Variants in EPHA5 observed in about 807,000 individuals in gnomAD.
EPHA5 encodes the protein EPH receptor A5, also known as ephrin type-A receptor 5.
A neutral mutation model predicts 105.0 loss-of-function variants in EPHA5; 60 were observed. The observed-to-expected ratio is 0.57, with a 90% CI of 0.46 to 0.71. The LOEUF (loss-of-function observed/expected upper bound fraction) is 0.71, where lower values mean the gene tolerates loss of function less well. EPHA5 is among the 30% of genes least tolerant of loss of function. The pLI is 0.00. For missense variants in EPHA5, 1,218 were observed against 1,274.7 expected (o/e 0.96, Z 0.68); for synonymous variants, 513 against 449.1 (o/e 1.14, Z -1.80).
chr4:65,392,713 T>C (rs185453196), intron 8 of EPHA5, among the ~76,000 whole-genome samples: 2 of 152,284 alleles, frequency 1.3e-5, no homozygotes, highest in East Asian at 1.9e-4. Context: ...TAAAGGTGTA[T>C]TTATGGGTTG....
chr4:65,663,672 G>A (rs1749730836), intron 1 of EPHA5, among the ~76,000 whole-genome samples: 1 of 151,700 alleles, frequency 6.6e-6, no homozygotes, highest in African/African-American at 2.4e-5. Flanking sequence ...TAATTGATCA[G>A]AATTACATTT....
intron 10 of EPHA5, 95 bp from the exon 11 acceptor site, chr4:65,365,297 A>T: frequency 1.0e-6 from 1 of 984,156 alleles, no homozygotes; most frequent in Non-Finnish European, 1.5e-6. Context: ...GCTTAGATGA[A>T]AAAACAAACA....
rs748934698 is a variant in EPHA5, at chr4:65,669,681, G to C, written c.62C>G (p.Thr21Ser). Residue 21 changes from threonine (T) to serine (S), a missense_variant, in exon 1 of 17, where the codon ACC (threonine) becomes AGC (serine). Physicochemically the swap from Thr to Ser is moderately conservative, Grantham distance 58. Around this residue, in one of 3 missense-constraint regions of EPHA5, gnomAD observed 233 missense variants for 227.5 expected, o/e 1.02. Coordinates refer to ENST00000613740, the MANE Select transcript of EPHA5 (RefSeq NM_001281766.3). ...RRRPPSGGGD[T>S]PITPASLAGC... ...GGCCAGGGACGCTGGGGTGATGGGGGTGTCGCCGCCGCCGCTTGGGGGCCG... is the reference window on the plus strand; with the variant it reads ...GGCCAGGGACGCTGGGGTGATGGGGCTGTCGCCGCCGCCGCTTGGGGGCCG... 1 of 1,327,708 alleles carries C rather than the reference G, an allele frequency of 7.5e-7. No individual in the cohort carries two copies. Among genetic ancestry groups the C allele is most frequent in the Non-Finnish European group, 9.7e-7 (1 of 1,034,878 alleles). 82.2% of individuals were successfully genotyped at this position (1,327,708 alleles called of 1,614,324 possible).
chr4:65,472,060 A>G (rs918471418), intron 5 of EPHA5, among the ~76,000 whole-genome samples: 2 of 152,202 alleles, frequency 1.3e-5, no homozygotes, highest in African/African-American at 4.8e-5. Context: ...ATCAAAAGCT[A>G]GTTAGTTCCT....
intron 2 of EPHA5, among the ~76,000 whole-genome samples, chr4:65,642,258 T>C (rs1747733424): frequency 6.6e-6 from 1 of 152,062 alleles, no homozygotes. Flanking sequence ...TAGGTTCTCA[T>C]AGACAGATGT....
intron 3 of EPHA5, among the ~76,000 whole-genome samples, chr4:65,516,188 T>A (rs1185745676): frequency 6.6e-6 from 1 of 152,128 alleles, no homozygotes; most frequent in Non-Finnish European, 1.5e-5. Flanking sequence ...CCCCAAAACT[T>A]AACTACTAAC....
intron 12 of EPHA5, among the ~76,000 whole-genome samples, chr4:65,351,887 T>C (rs1460028815): frequency 6.6e-6 from 1 of 151,924 alleles, no homozygotes; most frequent in East Asian, 1.9e-4. Flanking sequence ...ATCAGAAGGG[T>C]TTGTTCACAC....
Position 65,530,526 on chromosome 4 carries a change from G to C in EPHA5, c.911-34983C>G, listed in dbSNP as rs1241888140. Among the ~76,000 whole-genome samples the C allele has an allele frequency of 3.3e-5, 5 of 152,054 alleles. No individual in the cohort carries two copies. In the East Asian group the frequency reaches 7.7e-4, roughly 23 times the overall value. ...GAACTAAGGATTCTTTGAATGTATG[G>C]TCAGTTAGAAATTCAGTGTAAATTA... On this transcript the variant is annotated intron_variant, in intron 3 of 16. Coordinates refer to ENST00000613740, the MANE Select transcript of EPHA5 (RefSeq NM_001281766.3).
rs532849265 is a variant in EPHA5 at position 65,506,248 on chromosome 4, A to G, written c.911-10705T>C. On this transcript the variant is annotated intron_variant, in intron 3 of 16. Coordinates refer to ENST00000613740, the MANE Select transcript of EPHA5 (RefSeq NM_001281766.3). ...CCACATTTTCTTAATCCAGTCTATC[A>G]TTGTTGGACATTTGGGTTGGTTCCC... is the stretch of plus-strand genomic sequence containing the variant. Among the ~76,000 whole-genome samples the G allele has an allele frequency of 2.7e-3, 414 of 152,024 alleles. 1 individual carries two copies. The highest frequency in any genetic ancestry group is 9.0e-3 in the African/African-American group (371 of 41,450).
chr4:65,532,372 T>C (rs1019007542), intron 3 of EPHA5, among the ~76,000 whole-genome samples: 2 of 151,966 alleles, frequency 1.3e-5, no homozygotes, highest in African/African-American at 2.4e-5. Context: ...AAACTAATGA[T>C]ATTTTAGTAA....
chr4:65,379,276 T>TACACAC lies in EPHA5; in HGVS notation c.1794-11858_1794-11853dup, dbSNP rs35953627. ...TGTGTCTTATGAATAAGTATGCACA[T>TACACAC]ACACACACACACACACACTCACACA... On this transcript the variant is annotated intron_variant, in intron 8 of 16. Transcript: ENST00000613740. 6.0e-3 allele frequency among the ~76,000 whole-genome samples: 901 copies of TACACAC among 150,002 alleles called. 17 individuals are homozygous for TACACAC. Among genetic ancestry groups the TACACAC allele is most frequent in the East Asian group, 0.037 (186 of 5,048 alleles).
intron 3 of EPHA5, among the ~76,000 whole-genome samples, chr4:65,556,328 T>C (rs1738438252): frequency 6.6e-6 from 1 of 152,124 alleles, no homozygotes. Context: ...CAATTCACCC[T>C]CTCACTAGTG....
chr4:65,324,350 C>T, intron 16 of EPHA5, 131 bp from the exon 17 acceptor site: 1 of 563,324 alleles, frequency 1.8e-6, no homozygotes, highest in Non-Finnish European at 3.1e-6. Flanking sequence ...CATACAGAGT[C>T]TAGTTTTTAA....
chr4:65,634,678 C>T (rs768474840), intron 2 of EPHA5, among the ~76,000 whole-genome samples: 135 of 151,936 alleles, frequency 8.9e-4, no homozygotes, highest in Middle Eastern at 3.2e-3. Context: ...TTATAATATC[C>T]ATTCCCTTTA....
chr4:65,523,497 C>A, intron 3 of EPHA5, among the ~76,000 whole-genome samples: 1 of 151,980 alleles, frequency 6.6e-6, no homozygotes, highest in African/African-American at 2.4e-5. Context: ...TTAGCTGGTA[C>A]AAAAGACAGG....
chr4:65,516,765 T>A (rs1157064617), intron 3 of EPHA5, among the ~76,000 whole-genome samples: 1 of 152,166 alleles, frequency 6.6e-6, no homozygotes, highest in African/African-American at 2.4e-5. Context: ...CTTTCTTGCC[T>A]TATTACAATG....
At chr4:65,627,878 T>C (rs1746293724) in intron 2 of EPHA5, among the ~76,000 whole-genome samples, 1 of 152,140 alleles carries the variant, frequency 6.6e-6, no homozygotes. Context: ...CATCATGTCA[T>C]ATTTCAAATC....
At chr4:65,575,508 G>A (rs890345759) in intron 3 of EPHA5, among the ~76,000 whole-genome samples, 1 of 152,168 alleles carries the variant, frequency 6.6e-6, no homozygotes, top group Non-Finnish European at 1.5e-5. Flanking sequence ...GGAACCATTA[G>A]AGTGGCTTAT....
chr4:65,541,136 C>G (rs1736788942), intron 3 of EPHA5, among the ~76,000 whole-genome samples: 1 of 151,300 alleles, frequency 6.6e-6, no homozygotes, highest in Non-Finnish European at 1.5e-5. Context: ...TCGGTATCAG[C>G]CACTGCAAAA....
Sources: gnomAD v4.1 joint callset for allele counts (sites outside exome capture counted in the v4.1 genomes callset) on GRCh38, gnomAD v4.1.1 for gene constraint, gnomAD v4.1.1 regional missense constraint, MANE v1.5 for transcripts, NCBI Gene and HGNC (gene_info 2026-07-23, HGNC 2026-07-21) for gene names.